Variants in CENPP observed in about 807,000 individuals in gnomAD.
CENPP encodes the protein centromere protein P.
A neutral mutation model predicts 35.6 loss-of-function variants in CENPP; 24 were observed. The ratio of observed to expected loss-of-function variants is 0.67; its 90% CI spans 0.49 to 0.95. The LOEUF (loss-of-function observed/expected upper bound fraction) is 0.95. CENPP is among the 40% of genes least tolerant of loss of function. The pLI, the probability that CENPP is intolerant of heterozygous loss-of-function variation, is 0.00. For synonymous variants in CENPP, 120 were observed against 125.5 expected, an observed-to-expected ratio of 0.96 and a Z score of 0.29; for missense variants, 332 against 345.3, an observed-to-expected ratio of 0.96 and a Z score of 0.31.
intron 5 of CENPP, chr9:92,393,163 A>G (rs1441678183): frequency 6.2e-7 from 1 of 1,613,908 alleles, no homozygotes; most frequent in Admixed American, 1.7e-5. Flanking sequence ...TTCCTTTGGT[A>G]AGGGTGGTAC....
intron 5 of CENPP, chr9:92,457,452 C>G: frequency 6.2e-7 from 1 of 1,612,622 alleles, no homozygotes; most frequent in Non-Finnish European, 8.5e-7. Flanking sequence ...TTTACTCCCA[C>G]TCTTGCAATT....
intron 5 of CENPP, among the ~76,000 whole-genome samples, chr9:92,419,635 CGTT>C (rs1843727721): frequency 6.6e-6 from 1 of 152,114 alleles, no homozygotes; most frequent in South Asian, 2.1e-4. Flanking sequence ...TCCGCCTGGT[CGTT>C]GTTAGCATTG....
intron 5 of CENPP, among the ~76,000 whole-genome samples, chr9:92,578,593 G>A (rs1169563977): frequency 6.6e-6 from 1 of 152,130 alleles, no homozygotes; most frequent in Admixed American, 6.6e-5. Context: ...CTGCATAAAT[G>A]TCTTCTTTTG....
chr9:92,546,594 G>T (rs554720377), intron 5 of CENPP, among the ~76,000 whole-genome samples: 1 of 151,978 alleles, frequency 6.6e-6, no homozygotes, highest in Non-Finnish European at 1.5e-5. Context: ...CCCACCAGAA[G>T]GAAAAAACTC....
chr9:92,617,978 T>C lies in CENPP; in HGVS notation c.*4829T>C, dbSNP rs1851495906. On this transcript the variant is annotated 3_prime_UTR_variant, in exon 8 of 8. Transcript: ENST00000375587. ...GGTCAATCTATCTGTGAGCTGCAAA[T>C]TAGTCTAGGGATCTAAATTTAGTCT... is the stretch of plus-strand genomic sequence containing the variant. 1.5e-5 allele frequency: 5 copies of C among 334,242 alleles called. No individual in the cohort carries two copies. Among genetic ancestry groups the C allele is most frequent in the South Asian group, 1.2e-4 (5 of 41,094 alleles). The allele number at this position is 334,242 out of a possible 1,614,324, so 20.7% of individuals were successfully genotyped here. A position where few individuals can be genotyped will look rare whatever the true frequency, so the allele number is the denominator to read the frequency against.
intron 5 of CENPP, chr9:92,502,702 G>A (rs369777804): frequency 4.4e-5 from 62 of 1,411,850 alleles, no homozygotes; most frequent in Middle Eastern, 5.1e-4. Context: ...TAGTTGATAC[G>A]TTCAATTTCA....
At chr9:92,401,170 TCA>T (rs765659840) in intron 5 of CENPP, 3 of 1,491,418 alleles carry the variant, frequency 2.0e-6, no homozygotes, top group Middle Eastern at 1.8e-4. Flanking sequence ...TTGGGTATTA[TCA>T]CAGTTTCTTT....
At chr9:92,455,810 G>T (rs755501069) in intron 5 of CENPP, among the ~76,000 whole-genome samples, 11 of 152,158 alleles carry the variant, frequency 7.2e-5, no homozygotes, top group East Asian at 1.9e-4. Context: ...AGTGGCTCAC[G>T]CCTGTAATCC....
intron 5 of CENPP, among the ~76,000 whole-genome samples, chr9:92,483,836 G>A (rs570998233): frequency 7.2e-5 from 11 of 152,282 alleles, no homozygotes; most frequent in Middle Eastern, 3.4e-3. Flanking sequence ...GGACCTCTAG[G>A]CTGACAGTTC....
chr9:92,509,547 G>A (rs1847211494), intron 5 of CENPP, among the ~76,000 whole-genome samples: 1 of 152,150 alleles, frequency 6.6e-6, no homozygotes, highest in Non-Finnish European at 1.5e-5. Context: ...ACAAAGAACC[G>A]ACAAAATTGT....
intron 5 of CENPP, among the ~76,000 whole-genome samples, chr9:92,416,058 G>GTATATA (rs1554760078): frequency 1.5e-4 from 19 of 130,912 alleles, no homozygotes; most frequent in East Asian, 8.7e-4. Context: ...ATATATGTGT[G>GTATATA]TATATATATA....
intron 5 of CENPP, among the ~76,000 whole-genome samples, chr9:92,603,921 T>C (rs1850998918): frequency 6.6e-6 from 1 of 152,220 alleles, no homozygotes; most frequent in Non-Finnish European, 1.5e-5. Context: ...GCTCCGAACT[T>C]CATCCTTGCC....
intron 5 of CENPP, among the ~76,000 whole-genome samples, chr9:92,499,139 T>G (rs959049428): frequency 6.6e-6 from 1 of 152,216 alleles, no homozygotes; most frequent in Non-Finnish European, 1.5e-5. Context: ...AAGAGCCAGT[T>G]TGAATGGCGA....
At chr9:92,351,542 T>A (rs1416790588) in intron 4 of CENPP, among the ~76,000 whole-genome samples, 1 of 151,888 alleles carries the variant, frequency 6.6e-6, no homozygotes, top group Admixed American at 6.6e-5. Context: ...CTCCCTCTCC[T>A]CATCCACCAT....
intron 5 of CENPP, chr9:92,459,840 C>A: frequency 1.4e-6 from 2 of 1,389,762 alleles, no homozygotes; most frequent in South Asian, 1.3e-5. Flanking sequence ...CTGAAAACAC[C>A]GCAAACTAGT....
chr9:92,548,802 C>T (rs2131322600), intron 5 of CENPP, among the ~76,000 whole-genome samples: 1 of 152,252 alleles, frequency 6.6e-6, no homozygotes. Context: ...AACATTTGTT[C>T]TTACACTGAT....
At chr9:92,570,312 C>G (rs943839147) in intron 5 of CENPP, among the ~76,000 whole-genome samples, 1 of 152,084 alleles carries the variant, frequency 6.6e-6, no homozygotes, top group Admixed American at 6.6e-5. Flanking sequence ...TGTTGAAGGC[C>G]TTTTCTGCAT....
At chr9:92,467,336 G>T (rs1317688279) in intron 5 of CENPP, among the ~76,000 whole-genome samples, 1 of 152,210 alleles carries the variant, frequency 6.6e-6, no homozygotes, top group Admixed American at 6.5e-5. Flanking sequence ...GAGATTATGG[G>T]ATGTGGGGAT....
intron 4 of CENPP, among the ~76,000 whole-genome samples, chr9:92,358,184 C>T (rs1841644053): frequency 6.6e-6 from 1 of 150,672 alleles, no homozygotes; most frequent in African/African-American, 2.4e-5. Flanking sequence ...GAGACTCCTA[C>T]AGTGCAGAAG....
Sources: allele counts gnomAD v4.1 joint callset (sites outside exome capture counted in the v4.1 genomes callset), GRCh38; gene constraint gnomAD v4.1.1; transcripts MANE v1.5; gene names NCBI Gene and HGNC (gene_info 2026-07-23, HGNC 2026-07-21).